Variants in ITGAV observed in about 807,000 individuals in gnomAD.
ITGAV encodes the protein integrin alpha-V.
In ITGAV, 76 loss-of-function variants were observed where a neutral mutation model predicts 143.8. That is an observed-to-expected ratio of 0.53 (90% CI 0.44 to 0.64). The LOEUF is 0.64. ITGAV is among the 30% of genes least tolerant of loss of function. The pLI is 0.00. For synonymous variants in ITGAV, 453 were observed against 446.7 expected, an observed-to-expected ratio of 1.01 and a Z score of -0.18; for missense variants, 1,193 against 1,274.7, an observed-to-expected ratio of 0.94 and a Z score of 0.98.
chr2:186,653,901 A>T (rs1688511209), intron 15 of ITGAV, among the ~76,000 whole-genome samples: 1 of 152,226 alleles, frequency 6.6e-6, no homozygotes, highest in South Asian at 2.1e-4. Context: ...TTTATTAAAA[A>T]ATTTTTCTTA....
At chr2:186,599,597 C>A (rs1487338776) in intron 1 of ITGAV, among the ~76,000 whole-genome samples, 1 of 152,194 alleles carries the variant, frequency 6.6e-6, no homozygotes, top group East Asian at 1.9e-4. Flanking sequence ...TGGGCTCAAG[C>A]CATCCTCCTG....
intron 12 of ITGAV, among the ~76,000 whole-genome samples, chr2:186,642,074 T>C (rs1275761678): frequency 1.3e-5 from 2 of 152,258 alleles, no homozygotes; most frequent in Non-Finnish European, 2.9e-5. Context: ...TTCTAAGGGA[T>C]GTTATATCTC....
intron 16 of ITGAV, among the ~76,000 whole-genome samples, chr2:186,655,535 A>G (rs182561106): frequency 1.3e-5 from 2 of 152,248 alleles, no homozygotes; most frequent in Admixed American, 6.5e-5. Flanking sequence ...CAGAACATGA[A>G]GCAAAATAAC....
At chr2:186,635,534 A>T (rs1178569183) in intron 6 of ITGAV, among the ~76,000 whole-genome samples, 4 of 152,222 alleles carry the variant, frequency 2.6e-5, no homozygotes, top group Non-Finnish European at 5.9e-5. Flanking sequence ...CATATTGTGG[A>T]GACAACACTT....
intron 8 of ITGAV, 27 bp from the exon 9 acceptor site, chr2:186,638,250 A>T (rs750643703): frequency 1.2e-6 from 2 of 1,609,900 alleles, no homozygotes; most frequent in Non-Finnish European, 1.7e-6. Flanking sequence ...CTAAAAAATG[A>T]ATAATTTGTT....
intron 7 of ITGAV, 100 bp from the exon 8 acceptor site, chr2:186,636,965 A>G (rs1010571261): frequency 4.4e-6 from 4 of 915,024 alleles, no homozygotes; most frequent in Middle Eastern, 2.2e-4. Flanking sequence ...GCATAAGTAA[A>G]GGAGTTTCTT....
At chr2:186,641,043 T>C (rs1198109421) in intron 11 of ITGAV, 76 bp downstream of exon 11, 5 of 1,136,530 alleles carry the variant, frequency 4.4e-6, no homozygotes, top group Admixed American at 4.5e-5. Flanking sequence ...TAAACATTTT[T>C]TTCTTCTGTT....
At chr2:186,632,801 G>A (rs534368162) in intron 5 of ITGAV, among the ~76,000 whole-genome samples, 14 of 151,798 alleles carry the variant, frequency 9.2e-5, no homozygotes, top group Non-Finnish European at 5.9e-5. Context: ...ATAATACTTC[G>A]CATTAGTCCT....
chr2:186,597,931 C>T (rs1367668353), intron 1 of ITGAV, among the ~76,000 whole-genome samples: 1 of 152,192 alleles, frequency 6.6e-6, no homozygotes, highest in East Asian at 1.9e-4. Context: ...TTGGGGACCA[C>T]TGCTGTGAGC....
chr2:186,597,346 A>G (rs949156081), intron 1 of ITGAV, among the ~76,000 whole-genome samples: 6 of 152,218 alleles, frequency 3.9e-5, no homozygotes, highest in South Asian at 2.1e-4. Flanking sequence ...TTTTAAGGGT[A>G]ATTTAAATAA....
At chr2:186,630,214 A>G (rs547236156) in intron 4 of ITGAV, among the ~76,000 whole-genome samples, 3 of 152,174 alleles carry the variant, frequency 2.0e-5, no homozygotes, top group Non-Finnish European at 2.9e-5. Context: ...GCTGCTATTC[A>G]TAATAACAAA....
At chr2:186,635,437 G>A (rs1471700311) in intron 6 of ITGAV, among the ~76,000 whole-genome samples, 2 of 152,186 alleles carry the variant, frequency 1.3e-5, no homozygotes, top group Non-Finnish European at 2.9e-5. Context: ...CAGTCTCTGT[G>A]ACTGAACAGA....
intron 13 of ITGAV, among the ~76,000 whole-genome samples, chr2:186,648,943 T>C (rs1046002915): frequency 1.3e-5 from 2 of 148,764 alleles, no homozygotes; most frequent in Non-Finnish European, 3.0e-5. Flanking sequence ...TGTATATATA[T>C]ACATTTGTGT....
intron 1 of ITGAV, among the ~76,000 whole-genome samples, chr2:186,591,611 A>G (rs1436982005): frequency 2.6e-5 from 4 of 152,176 alleles, no homozygotes; most frequent in Admixed American, 1.3e-4. Context: ...ACCATCTTCT[A>G]CTACACACAT....
chr2:186,640,081 T>C (rs1688060280), intron 10 of ITGAV, among the ~76,000 whole-genome samples: 2 of 152,232 alleles, frequency 1.3e-5, no homozygotes, highest in African/African-American at 4.8e-5. Flanking sequence ...GAAGCATTGC[T>C]AACTTTCCTT....
intron 1 of ITGAV, among the ~76,000 whole-genome samples, chr2:186,594,516 G>A (rs1686695538): frequency 6.6e-6 from 1 of 152,042 alleles, no homozygotes; most frequent in African/African-American, 2.4e-5. Context: ...TGGCACTCAG[G>A]TCCTCCCCCA....
chr2:186,610,419 C>A (rs1687184370), intron 2 of ITGAV, among the ~76,000 whole-genome samples: 1 of 152,052 alleles, frequency 6.6e-6, no homozygotes, highest in South Asian at 2.1e-4. Context: ...CTTTATTTTT[C>A]TTTTTCCCCC....
At chr2:186,669,036 A>C in intron 25 of ITGAV, 116 bp downstream of exon 25, 2 of 929,684 alleles carry the variant, frequency 2.2e-6, no homozygotes, top group Non-Finnish European at 3.2e-6. Flanking sequence ...CCACTCTGCA[A>C]AAAATGGTTT....
At chr2:186,607,167 A>G (rs1477649147) in intron 2 of ITGAV, among the ~76,000 whole-genome samples, 2 of 152,006 alleles carry the variant, frequency 1.3e-5, no homozygotes, top group Non-Finnish European at 2.9e-5. Flanking sequence ...GAAGAGTATA[A>G]ATTGGTTAGT....
Sources: allele counts gnomAD v4.1 joint callset (sites outside exome capture counted in the v4.1 genomes callset), GRCh38; gene constraint gnomAD v4.1.1; transcripts MANE v1.5; gene names NCBI Gene and HGNC (gene_info 2026-07-23, HGNC 2026-07-21).